Variants in SMARCC1 observed in about 807,000 individuals in gnomAD.
The protein encoded by SMARCC1 is SWI/SNF related BAF chromatin remodeling complex subunit C1.
SMARCC1 carries 43 observed loss-of-function variants against 147.4 expected under a neutral mutation model. The observed-to-expected ratio is 0.29, with a 90% confidence interval of 0.23 to 0.38. The LOEUF (loss-of-function observed/expected upper bound fraction) is 0.38. Ranked by LOEUF, SMARCC1 falls within the 10% of genes least tolerant of loss-of-function variation. The pLI, the probability that SMARCC1 is intolerant of heterozygous loss-of-function variation, is 1.00. For missense variants in SMARCC1, 1,119 were observed against 1,381.1 expected, an observed-to-expected ratio of 0.81 and a Z score of 3.01; for synonymous variants, 495 against 484.4, an observed-to-expected ratio of 1.02 and a Z score of -0.29.
chr3:47,778,830 T>C (rs1431987104), intron 1 of SMARCC1, among the ~76,000 whole-genome samples: 9 of 150,340 alleles, frequency 6.0e-5, no homozygotes, highest in Admixed American at 6.0e-4. Context: ...CTACTGATAA[T>C]ACAAAAAATT....
intron 13 of SMARCC1, among the ~76,000 whole-genome samples, chr3:47,687,964 AAT>A (rs2106771222): frequency 6.6e-6 from 1 of 152,318 alleles, no homozygotes; most frequent in Admixed American, 6.5e-5. Flanking sequence ...AATGTTCATT[AAT>A]AAGTGGCTCT....
rs2035052746 is a variant in SMARCC1 at position 47,781,812 on chromosome 3, G to T, written c.-15C>A. The stretch of plus-strand genomic sequence containing the variant: ...GCTGCGGCCATCGTCGCAGCCCGTC[G>T]TCCCCACAGCCTGGCCCACCCCGGC... On this transcript the variant is annotated 5_prime_UTR_variant, in exon 1 of 28. Coordinates refer to ENST00000254480, the MANE Select transcript of SMARCC1 (RefSeq NM_003074.4). The T allele has an allele frequency of 7.1e-7, 1 of 1,406,382 alleles. No individual in the cohort carries two copies. Among genetic ancestry groups the T allele is most frequent in the Non-Finnish European group, 9.2e-7 (1 of 1,081,902 alleles). The allele number at this position is 1,406,382 out of a possible 1,614,324, so 87.1% of individuals were successfully genotyped here. A position where few individuals can be genotyped will look rare whatever the true frequency, so the allele number is the denominator to read the frequency against.
At chr3:47,761,607 G>A (rs748689293) in intron 2 of SMARCC1, among the ~76,000 whole-genome samples, 3 of 152,010 alleles carry the variant, frequency 2.0e-5, no homozygotes, top group Non-Finnish European at 4.4e-5. Context: ...AAGTGACTAC[G>A]ACTGCTGATT....
intron 21 of SMARCC1, among the ~76,000 whole-genome samples, chr3:47,657,529 G>A (rs938696093): frequency 2.0e-5 from 3 of 152,206 alleles, no homozygotes; most frequent in African/African-American, 7.2e-5. Context: ...TGGGCTCAGT[G>A]GCTCACGCCT....
intron 26 of SMARCC1, among the ~76,000 whole-genome samples, chr3:47,609,191 A>G (rs368364991): frequency 1.3e-5 from 2 of 152,172 alleles, no homozygotes; most frequent in East Asian, 1.9e-4. Flanking sequence ...TGGTGATGAT[A>G]GTTATGTAAA....
chr3:47,707,763 G>A (rs745548887), intron 9 of SMARCC1, among the ~76,000 whole-genome samples: 3 of 152,028 alleles, frequency 2.0e-5, no homozygotes, highest in Admixed American at 1.3e-4. Context: ...TCTGTGGCCC[G>A]AATTACTCAG....
At chr3:47,592,669 G>GT (rs2032203073) in intron 26 of SMARCC1, among the ~76,000 whole-genome samples, 1 of 152,170 alleles carries the variant, frequency 6.6e-6, no homozygotes, top group Non-Finnish European at 1.5e-5. Flanking sequence ...TCACAGCTCA[G>GT]TTCACTGCAA....
intron 6 of SMARCC1, among the ~76,000 whole-genome samples, chr3:47,722,314 T>TTG (rs2034242844): frequency 6.6e-6 from 1 of 150,516 alleles, no homozygotes; most frequent in Non-Finnish European, 1.5e-5. Flanking sequence ...TTTTTTTTTT[T>TTG]GAGACAGAGT....
At chr3:47,659,965 G>A (rs2033322043) in intron 21 of SMARCC1, among the ~76,000 whole-genome samples, 1 of 152,018 alleles carries the variant, frequency 6.6e-6, no homozygotes, top group African/African-American at 2.4e-5. Context: ...TTACGGGTAA[G>A]AACATAAAAT....
intron 2 of SMARCC1, among the ~76,000 whole-genome samples, chr3:47,752,760 A>G (rs1478732253): frequency 2.0e-5 from 3 of 152,148 alleles, no homozygotes; most frequent in African/African-American, 4.8e-5. Context: ...CCTGTCTGAA[A>G]AAAACAAACA....
At chr3:47,697,450 C>T (rs1355871385) in intron 11 of SMARCC1, among the ~76,000 whole-genome samples, 1 of 151,406 alleles carries the variant, frequency 6.6e-6, no homozygotes, top group African/African-American at 2.4e-5. Context: ...TACAGGTATG[C>T]GCCACCACGC....
At chr3:47,700,100 T>C (rs2033898696) in intron 11 of SMARCC1, among the ~76,000 whole-genome samples, 1 of 152,094 alleles carries the variant, frequency 6.6e-6, no homozygotes, top group East Asian at 1.9e-4. Context: ...TAGGCTGTTT[T>C]GAAGAACTGT....
intron 1 of SMARCC1, among the ~76,000 whole-genome samples, chr3:47,774,668 C>T (rs971470744): frequency 6.6e-6 from 1 of 152,118 alleles, no homozygotes; most frequent in South Asian, 2.1e-4. Context: ...CCACCCGCCT[C>T]AGCCTCCCAA....
At chr3:47,630,870 C>T (rs2032878134) in intron 24 of SMARCC1, among the ~76,000 whole-genome samples, 1 of 152,076 alleles carries the variant, frequency 6.6e-6, no homozygotes, top group African/African-American at 2.4e-5. Flanking sequence ...TGAGACCAGC[C>T]TGGGCAATAT....
chr3:47,689,755 C>G (rs929203588), intron 12 of SMARCC1, among the ~76,000 whole-genome samples: 4 of 152,152 alleles, frequency 2.6e-5, no homozygotes, highest in Non-Finnish European at 4.4e-5. Context: ...GCTAAAATAA[C>G]AACATTTTGG....
chr3:47,661,884 C>T (rs1179632435), intron 20 of SMARCC1, among the ~76,000 whole-genome samples: 6 of 152,142 alleles, frequency 3.9e-5, no homozygotes, highest in Admixed American at 3.3e-4. Context: ...ACTTCCTTTG[C>T]TAGTTACACC....
At chr3:47,761,136 A>AAAAAGG (rs1553691547) in intron 2 of SMARCC1, among the ~76,000 whole-genome samples, 16 of 149,890 alleles carry the variant, frequency 1.1e-4, no homozygotes, top group African/African-American at 3.7e-4. Context: ...CTGTCTAAAA[A>AAAAAGG]AAAAGAAAAG....
chr3:47,742,621 C>T (rs1463454057), intron 3 of SMARCC1, among the ~76,000 whole-genome samples: 2 of 152,186 alleles, frequency 1.3e-5, no homozygotes, highest in Non-Finnish European at 2.9e-5. Context: ...GGGTCTCTGT[C>T]ACCCAGGCTG....
At chr3:47,591,865 A>G (rs7631950) in intron 26 of SMARCC1, among the ~76,000 whole-genome samples, 90,713 of 152,050 alleles carry the variant, frequency 0.6, 28,295 homozygotes, top group East Asian at 0.72. Context: ...AGTGACAGAA[A>G]ACCCTACAGT....
Sources: gnomAD v4.1 joint callset for allele counts (sites outside exome capture counted in the v4.1 genomes callset) on GRCh38, gnomAD v4.1.1 for gene constraint, MANE v1.5 for transcripts, NCBI Gene and HGNC (gene_info 2026-07-23, HGNC 2026-07-21) for gene names.